ZNF398: variants seen among roughly 807,000 people sequenced by gnomAD.
ZNF398 encodes zinc finger DNA binding protein ZER6.
Under a neutral mutation model 41.9 loss-of-function variants are expected in ZNF398, and 18 were observed. That is an observed-to-expected ratio of 0.43 (90% CI 0.30 to 0.64). The LOEUF is 0.64. Ranked by LOEUF, ZNF398 falls within the 30% of genes least tolerant of loss-of-function variation. ZNF398 has a pLI of 0.14. For synonymous variants in ZNF398, 260 were observed against 308.8 expected (o/e 0.84, Z 1.66); for missense variants, 669 against 822.8 (o/e 0.81, Z 2.29).
intron 4 of ZNF398, among the ~76,000 whole-genome samples, chr7:149,167,634 CTTTTTT>C (rs1163487497): frequency 1.5e-5 from 2 of 133,968 alleles, no homozygotes; most frequent in Non-Finnish European, 1.6e-5. Context: ...TTTTTCTTTT[CTTTTTT>C]TTTTTTTTTT....
rs201632953 is a variant in ZNF398 at position 149,179,044 on chromosome 7, A to G, written c.1172A>G (p.Asp391Gly). ...GCGGACCTCAGCAGCACCTCCCAGG[A>G]CCATGCCAGCGAGACACCCCCCACC... is the stretch of plus-strand genomic sequence containing the variant. Reference protein sequence around the residue: ...PQADLSSTSQDHASETPPTCP... With the variant: ...PQADLSSTSQGHASETPPTCP... The change falls in exon 6 of 6, where the codon GAC becomes GGC. Residue 391 changes from aspartate to glycine, a missense_variant. Transcript: ENST00000475153. This position sits in a 1 kb window ranked among gnomAD's most constrained non-coding sequence, Gnocchi z 6.1. 5.6e-6 allele frequency: 9 copies of G among 1,613,728 alleles called. No homozygotes were observed. The East Asian group carries it at 1.8e-4, about 32-fold the overall frequency.
rs577611650 is a variant in ZNF398 at position 149,163,007 on chromosome 7, A to C, written c.421-3151A>C. On this transcript the variant is annotated intron_variant, in intron 2 of 5. Transcript: ENST00000475153. ...TATATATATATTCATTCAGAGGCTGAAGTAGCAGATTTAACGGCTGAAAAA... is the reference window on the plus strand; with the variant it reads ...TATATATATATTCATTCAGAGGCTGCAGTAGCAGATTTAACGGCTGAAAAA... 3.5e-4 allele frequency among the ~76,000 whole-genome samples: 53 copies of C among 152,264 alleles called. 1 individual carries two copies. The highest frequency in any genetic ancestry group is 6.2e-4 in the South Asian group (3 of 4,824).
intron 1 of ZNF398, among the ~76,000 whole-genome samples, chr7:149,127,120 G>C (rs1424868079): frequency 6.6e-6 from 1 of 152,162 alleles, no homozygotes; most frequent in Non-Finnish European, 1.5e-5. Context: ...CGCAAAAACG[G>C]GAGAGGTGGG....
In ZNF398 at chr7:149,181,733, C is replaced by T. The variant is rs2129522192; in HGVS notation, c.*1932C>T. ...GCTGTCATAACTTACAGTGAAAAAG[C>T]CCAATAATACAGAACAAGACATGAT... On this transcript the variant is annotated 3_prime_UTR_variant, in exon 6 of 6. Transcript: ENST00000475153. 6.6e-6 allele frequency: 1 copy of T among 152,246 alleles called. No homozygotes were observed. Among genetic ancestry groups the T allele is most frequent in the East Asian group, 1.9e-4 (1 of 5,188 alleles). 9.4% of individuals were successfully genotyped at this position (152,246 alleles called of 1,614,324 possible).
chr7:149,137,250 C>T (rs371028254), intron 2 of ZNF398, among the ~76,000 whole-genome samples: 1 of 152,122 alleles, frequency 6.6e-6, no homozygotes, highest in South Asian at 2.1e-4. Context: ...TTTATTGATC[C>T]ATGTGTCTAT....
chr7:149,151,215 A>G, intron 1 of ZNF398: 2 of 1,210,870 alleles, frequency 1.7e-6, no homozygotes, highest in East Asian at 6.4e-5. Context: ...AGGCACGCTT[A>G]CTAATCTGCT....
chr7:149,131,948 C>G (rs567521582), intron 2 of ZNF398, among the ~76,000 whole-genome samples: 1 of 152,230 alleles, frequency 6.6e-6, no homozygotes, highest in East Asian at 1.9e-4. Flanking sequence ...TACCAATTTA[C>G]CACAATTTAT....
At chr7:149,166,742 TC>T (rs1238110043) in intron 3 of ZNF398, 74 bp from the exon 4 acceptor site, 5 of 1,027,226 alleles carry the variant, frequency 4.9e-6, no homozygotes, top group Non-Finnish European at 7.3e-6. Context: ...AAGCTTCAGC[TC>T]AGCCTTGATG....
intron 2 of ZNF398, among the ~76,000 whole-genome samples, chr7:149,134,064 CT>C (rs143211105): frequency 6.7e-4 from 86 of 128,532 alleles, no homozygotes; most frequent in African/African-American, 1.5e-3. Context: ...CTGTTTTTGT[CT>C]TTTTTTTTTT....
intron 2 of ZNF398, among the ~76,000 whole-genome samples, chr7:149,129,674 C>A (rs1826560249): frequency 6.6e-6 from 1 of 152,154 alleles, no homozygotes; most frequent in African/African-American, 2.4e-5. Flanking sequence ...GCCACTGCGC[C>A]TGGCCTACAA....
At chr7:149,153,047 C>T (rs1291535390) in intron 1 of ZNF398, among the ~76,000 whole-genome samples, 8 of 151,738 alleles carry the variant, frequency 5.3e-5, no homozygotes, top group South Asian at 4.2e-4. Context: ...TTAGTAGAGA[C>T]GGGATTTCAC....
chr7:149,144,209 A>G (rs897394813), upstream of ZNF398, among the ~76,000 whole-genome samples: 2 of 152,230 alleles, frequency 1.3e-5, no homozygotes, highest in Non-Finnish European at 2.9e-5. Flanking sequence ...TATGGAGCTC[A>G]GTTGGAAGTC....
rs1794924509 is a variant in ZNF398, at chr7:149,154,270, A to G, written c.350A>G (p.Glu117Gly). The G allele has an allele frequency of 6.2e-7, 1 of 1,614,034 alleles. No individual in the cohort carries two copies. The highest frequency in any genetic ancestry group is 8.5e-7 in the Non-Finnish European group (1 of 1,180,020). ...GLLQRRLENLENLLRNRNFWI... is the reference protein window; with the variant it reads ...GLLQRRLENLGNLLRNRNFWI... ...CTGCAGAGGCGGCTGGAGAACTTGGAGAACCTGCTGCGCAACAGGAACTTC... is the reference window on the plus strand; with the variant it reads ...CTGCAGAGGCGGCTGGAGAACTTGGGGAACCTGCTGCGCAACAGGAACTTC... The change falls in exon 2 of 6, where the codon GAG becomes GGG. Residue 117 changes from glutamate to glycine, a missense_variant. Transcript: ENST00000475153.
intron 2 of ZNF398, among the ~76,000 whole-genome samples, chr7:149,159,733 T>TA (rs1318335177): frequency 6.3e-4 from 96 of 152,192 alleles, no homozygotes; most frequent in African/African-American, 2.0e-3. Flanking sequence ...AAAAAAATTT[T>TA]TTTTTTTGAG....
rs930040936 is a variant in ZNF398 at position 149,182,243 on chromosome 7, CAGAT to C, written c.*2443_*2446del. On this transcript the variant is annotated 3_prime_UTR_variant, in exon 6 of 6. Transcript: ENST00000475153. ...CAAATACGAATGAAGGAAGAGCCCT[CAGAT>C]GGAACGAAAGGCGATGTGCAAGGCC... The C allele has an allele frequency of 6.6e-6, 1 of 152,168 alleles. No individual in the cohort carries two copies. The highest frequency in any genetic ancestry group is 2.4e-5 in the African/African-American group (1 of 41,436). The allele number at this position is 152,168 out of a possible 1,614,324, so 9.4% of individuals were successfully genotyped here. A position where few individuals can be genotyped will look rare whatever the true frequency, so the allele number is the denominator to read the frequency against.
chr7:149,148,145 C>T (rs1827006522), intron 1 of ZNF398: 1 of 230,170 alleles, frequency 4.3e-6, no homozygotes, highest in African/African-American at 2.3e-5. Flanking sequence ...GAGCGTTCGT[C>T]ACCAGCAATC....
chr7:149,137,366 G>A (rs1037810223), intron 2 of ZNF398, among the ~76,000 whole-genome samples: 2 of 152,142 alleles, frequency 1.3e-5, no homozygotes, highest in Non-Finnish European at 2.9e-5. Context: ...TAGTCTCACT[G>A]TTGAGTATGA....
Position 149,147,840 on chromosome 7 carries a change from G to C in ZNF398, c.24+74G>C, listed in dbSNP as rs995671140. 1.5e-6 allele frequency: 2 copies of C among 1,312,548 alleles called. No individual in the cohort carries two copies. Among genetic ancestry groups the C allele is most frequent in the South Asian group, 2.0e-5 (1 of 50,390 alleles). The allele number at this position is 1,312,548 out of a possible 1,614,324, so 81.3% of individuals were successfully genotyped here. ...CGAGGGAGGAAGGCGGGCGGGCAGG[G>C]AGCTGCCAGGCATAGGCGCCGTTCT... is the stretch of plus-strand genomic sequence containing the variant. On this transcript the variant is annotated intron_variant, in intron 1 of 5. Transcript: ENST00000475153. The surrounding 1 kb of genome is among the most constrained non-coding windows in gnomAD (Gnocchi z 5.6).
rs116376286 is a variant in ZNF398, at chr7:149,137,880, A to G, written c.-490+8936A>G. ...AAGTCGGAAGCATCCATAAGATGAA[A>G]TATGTAGACATTAAATTTATGTTTT... On this transcript the variant is annotated intron_variant, in intron 2 of 6. Coordinates refer to the ZNF398 transcript ENST00000426851. Among the ~76,000 whole-genome samples, 1,492 of 152,312 alleles carry G rather than the reference A, an allele frequency of 9.8e-3. 30 individuals are homozygous for G. Among genetic ancestry groups the G allele is most frequent in the African/African-American group, 0.034 (1,399 of 41,564 alleles).
Sources: gnomAD v4.1 joint callset for allele counts (sites outside exome capture counted in the v4.1 genomes callset) on GRCh38, gnomAD v4.1.1 for gene constraint, Gnocchi (gnomAD v3.1) non-coding constraint, MANE v1.5 for transcripts, NCBI Gene and HGNC (gene_info 2026-07-23, HGNC 2026-07-21) for gene names.